STRIP2: variants seen among roughly 807,000 people sequenced by gnomAD.
STRIP2 encodes striatin interacting protein 2.
STRIP2 carries 84 observed loss-of-function variants against 107.1 expected under a neutral mutation model. The observed-to-expected ratio is 0.78, with a 90% CI of 0.66 to 0.94. The LOEUF is 0.94. Among genes scored for constraint, STRIP2 ranks in the 40% least tolerant of loss-of-function variants. The pLI is 0.00. For missense variants in STRIP2, 888 were observed against 1,034.2 expected (o/e 0.86, Z 1.94); for synonymous variants, 394 against 400.4 (o/e 0.98, Z 0.19).
In STRIP2 at chr7:129,457,441, G is replaced by A. The variant is rs562917693; in HGVS notation, c.1039-774G>A. 2.6e-5 allele frequency among the ~76,000 whole-genome samples: 4 copies of A among 152,252 alleles called. No homozygotes were observed. In the East Asian group the frequency reaches 5.8e-4, roughly 22 times the overall value. ...GCAGTCCATTGTTGACTGAAGCATC[G>A]TTGTGCAGCACATGACTATAGTCTG... On this transcript the variant is annotated intron_variant, in intron 9 of 20. Transcript: ENST00000249344.
At position 129,483,424 on chromosome 7, in the gene STRIP2, T is replaced by G; in HGVS notation, c.2254+378T>G. ...TAAACAAACATTTTACTATATTATATTTATGCCATATTTGTACTATGCAGA... is the reference window on the plus strand; with the variant it reads ...TAAACAAACATTTTACTATATTATAGTTATGCCATATTTGTACTATGCAGA... On this transcript the variant is annotated intron_variant, in intron 20 of 20. Coordinates refer to ENST00000249344, the MANE Select transcript of STRIP2 (RefSeq NM_020704.3). The surrounding 1 kb of genome is among the most constrained non-coding windows in gnomAD (Gnocchi z 5.1). 1.4e-6 allele frequency: 1 copy of G among 712,976 alleles called. No individual in the cohort carries two copies. The highest frequency in any genetic ancestry group is 1.8e-6 in the Non-Finnish European group (1 of 567,826). The allele number at this position is 712,976 out of a possible 1,614,324, so 44.2% of individuals were successfully genotyped here. A position where few individuals can be genotyped will look rare whatever the true frequency, so the allele number is the denominator to read the frequency against.
intron 3 of STRIP2, among the ~76,000 whole-genome samples, chr7:129,447,280 A>G (rs2150991263): frequency 6.6e-6 from 1 of 152,340 alleles, no homozygotes; most frequent in East Asian, 1.9e-4. Flanking sequence ...TCCAAAATCC[A>G]AATAGACCCA....
rs1798354967 is a variant in STRIP2 at position 129,456,440 on chromosome 7, T to A, written c.836T>A (p.Phe279Tyr). The A allele has an allele frequency of 1.9e-6, 3 of 1,614,006 alleles. No individual in the cohort carries two copies. In the East Asian group the frequency reaches 6.7e-5, roughly 36 times the overall value. ...GCCCCTTTCCTGTTTCTTCCTTAGT[T>A]TACCCTCGGTGGATTTGAGCATCTG... ...VLLLLWKVVM[F>Y]TLGGFEHLQT... Residue 279 changes from phenylalanine (F) to tyrosine (Y), a missense_variant and splice_region_variant, in exon 9 of 21, where the codon TTT becomes TAT. By Grantham distance (22) the Phe-to-Tyr change is conservative. Coordinates refer to ENST00000249344, the MANE Select transcript of STRIP2 (RefSeq NM_020704.3).
intron 18 of STRIP2, among the ~76,000 whole-genome samples, chr7:129,475,559 TTTTTTTTTCTTTTTA>T (rs1449440628): frequency 9.2e-4 from 112 of 121,488 alleles, no homozygotes; most frequent in African/African-American, 2.9e-3. Context: ...TTTTCTTTTT[TTTTTTTTTCTTTTTA>T]TTTTTTTTTA....
chr7:129,456,145 T>C (rs1019542842), intron 8 of STRIP2, among the ~76,000 whole-genome samples: 26 of 106,806 alleles, frequency 2.4e-4, no homozygotes, highest in Non-Finnish European at 4.9e-4. Flanking sequence ...TAGTTTCTTT[T>C]TTTTCTTTTT....
At chr7:129,454,388 T>A (rs375083391) in intron 6 of STRIP2, 33 bp from the exon 7 acceptor site, 1 of 1,575,768 alleles carries the variant, frequency 6.3e-7, no homozygotes, top group African/African-American at 1.4e-5. Flanking sequence ...GGAATTGCCT[T>A]GGGAACCTCT....
rs571939124 is a variant in STRIP2 at position 129,442,967 on chromosome 7, G to C, written c.200-1057G>C. On this transcript the variant is annotated intron_variant, in intron 2 of 20. Transcript: ENST00000249344. The stretch of plus-strand genomic sequence containing the variant: ...AGTTCTTCATCTTCTGTAAGATGAG[G>C]GTACATATACAATGTTCTGGAGAGA... Among the ~76,000 whole-genome samples, 23 of 151,996 alleles carry C rather than the reference G, an allele frequency of 1.5e-4. No homozygotes were observed. In the South Asian group the frequency reaches 3.1e-3, roughly 21 times the overall value.
chr7:129,481,498 A>AAATAATAAT (rs145902870), intron 19 of STRIP2, among the ~76,000 whole-genome samples: 15 of 151,592 alleles, frequency 9.9e-5, no homozygotes, highest in African/African-American at 3.1e-4. Context: ...CTCCGTCTCA[A>AAATAATAAT]AATAATAATA....
In STRIP2 at chr7:129,454,188, A is replaced by G. The variant is rs745312704; in HGVS notation, c.577A>G (p.Ile193Val). The change falls in exon 6 of 21, where the codon ATA becomes GTA. Residue 193 changes from isoleucine to valine, a missense_variant. Physicochemically the swap from Ile to Val is conservative, Grantham distance 29. Coordinates refer to ENST00000249344, the MANE Select transcript of STRIP2 (RefSeq NM_020704.3). ...TGCCCTTCGGAAACCAGCTGTCTCC[A>G]TAGCTGATAGCACAGAGCTCAGGTG... ...SSALRKPAVS[I>V]ADSTELRVLL... The G allele has an allele frequency of 1.9e-6, 3 of 1,614,076 alleles. No homozygotes were observed. The highest frequency in any genetic ancestry group is 2.5e-6 in the Non-Finnish European group (3 of 1,180,036).
chr7:129,438,683 C>T (rs1014042014), intron 1 of STRIP2, among the ~76,000 whole-genome samples: 8 of 152,154 alleles, frequency 5.3e-5, no homozygotes, highest in African/African-American at 1.9e-4. Flanking sequence ...CAAGGCCCTA[C>T]GTTAGACACC....
rs780140075 is a variant in STRIP2 at position 129,486,857 on chromosome 7, T to C, written c.*1028T>C. 2.0e-4 allele frequency: 30 copies of C among 152,176 alleles called. No individual in the cohort carries two copies. The highest frequency in any genetic ancestry group is 2.9e-4 in the Non-Finnish European group (20 of 68,028). 9.4% of individuals were successfully genotyped at this position (152,176 alleles called of 1,614,324 possible). The stretch of plus-strand genomic sequence containing the variant: ...GAGATTTAGCAATACTGTCTCTACT[T>C]AAAAGTATTGCACATTTCATTGAAA... On this transcript the variant is annotated 3_prime_UTR_variant, in exon 21 of 21. Coordinates refer to ENST00000249344, the MANE Select transcript of STRIP2 (RefSeq NM_020704.3).
At chr7:129,438,768 C>T (rs1431640616) in intron 1 of STRIP2, among the ~76,000 whole-genome samples, 2 of 152,172 alleles carry the variant, frequency 1.3e-5, no homozygotes, top group Non-Finnish European at 1.5e-5. Flanking sequence ...TCATGATCTT[C>T]CTTTCAGGTT....
At position 129,483,233 on chromosome 7, in the gene STRIP2, G is replaced by A. The variant is rs1799172754; in HGVS notation, c.2254+187G>A. 2 of 1,326,700 alleles carry A rather than the reference G, an allele frequency of 1.5e-6. No individual in the cohort carries two copies. Among genetic ancestry groups the A allele is most frequent in the Admixed American group, 3.2e-5 (1 of 31,020 alleles). 82.2% of individuals were successfully genotyped at this position (1,326,700 alleles called of 1,614,324 possible). A position where few individuals can be genotyped will look rare whatever the true frequency, so the allele number is the denominator to read the frequency against. Reference sequence around the variant, plus strand: ...GCCTCAAATTCTAGTATGTACCCTTGTCCTATGTAAACTATGAAAATCCGT... The same window carrying A: ...GCCTCAAATTCTAGTATGTACCCTTATCCTATGTAAACTATGAAAATCCGT... On this transcript the variant is annotated intron_variant, in intron 20 of 20. Transcript: ENST00000249344. The surrounding 1 kb of genome is among the most constrained non-coding windows in gnomAD (Gnocchi z 5.1).
At position 129,460,284 on chromosome 7, in the gene STRIP2, C is replaced by G. The variant is rs759968352; in HGVS notation, c.1405-17C>G. 1.8e-5 allele frequency: 29 copies of G among 1,611,854 alleles called. No homozygotes were observed. The highest frequency in any genetic ancestry group is 3.3e-4 in the Middle Eastern group (2 of 6,056). ...TGAGGCCCTCAGCCCTTGTTGATGTCTTCTTATCTTTGTCAGCACAAGTAT... is the reference window on the plus strand; with the variant it reads ...TGAGGCCCTCAGCCCTTGTTGATGTGTTCTTATCTTTGTCAGCACAAGTAT... On this transcript the variant is annotated splice_polypyrimidine_tract_variant and intron_variant, in intron 12 of 20. Transcript: ENST00000249344.
chr7:129,434,448 C>G lies in STRIP2; in HGVS notation c.-25C>G, dbSNP rs1253590476. On this transcript the variant is annotated 5_prime_UTR_variant, in exon 1 of 21. Coordinates refer to ENST00000249344, the MANE Select transcript of STRIP2 (RefSeq NM_020704.3). Reference sequence around the variant, plus strand: ...CGCCTCCGGCAAAGCGAGCTGAACCCTGAGGGGAGCCGCTGACCAGCAGCA... The same window carrying G: ...CGCCTCCGGCAAAGCGAGCTGAACCGTGAGGGGAGCCGCTGACCAGCAGCA... 7 of 1,491,172 alleles carry G rather than the reference C, an allele frequency of 4.7e-6. No individual in the cohort carries two copies. Among genetic ancestry groups the G allele is most frequent in the African/African-American group, 1.5e-5 (1 of 68,628 alleles). 92.4% of individuals were successfully genotyped at this position (1,491,172 alleles called of 1,614,324 possible). A position where few individuals can be genotyped will look rare whatever the true frequency, so the allele number is the denominator to read the frequency against.
chr7:129,456,886 C>G (rs1295143239), intron 9 of STRIP2, among the ~76,000 whole-genome samples: 1 of 152,132 alleles, frequency 6.6e-6, no homozygotes, highest in Non-Finnish European at 1.5e-5. Flanking sequence ...TGTCTTGCTA[C>G]AGAATCATTG....
intron 1 of STRIP2, among the ~76,000 whole-genome samples, chr7:129,438,540 T>C (rs1186976412): frequency 1.3e-5 from 2 of 152,338 alleles, no homozygotes; most frequent in South Asian, 4.1e-4. Flanking sequence ...ATCCTCATTT[T>C]ACAGATGGGA....
chr7:129,460,484 C>T, intron 13 of STRIP2, 112 bp downstream of exon 13: 2 of 889,066 alleles, frequency 2.2e-6, no homozygotes, highest in Non-Finnish European at 1.8e-6. Context: ...TAACTGTGTT[C>T]CAGGCAAGAC....
intron 3 of STRIP2, among the ~76,000 whole-genome samples, chr7:129,451,062 A>G (rs1000195978): frequency 3.4e-5 from 5 of 146,988 alleles, no homozygotes; most frequent in Non-Finnish European, 6.0e-5. Flanking sequence ...TCAGCCTCCC[A>G]AGTAGCTGGG....
Sources: allele counts gnomAD v4.1 joint callset (sites outside exome capture counted in the v4.1 genomes callset), GRCh38; gene constraint gnomAD v4.1.1; non-coding constraint Gnocchi (gnomAD v3.1); transcripts MANE v1.5; gene names NCBI Gene and HGNC (gene_info 2026-07-23, HGNC 2026-07-21).